CDKAL1: variants seen among roughly 807,000 people sequenced by gnomAD.
CDKAL1 encodes CDKAL1 threonylcarbamoyladenosine tRNA methylthiotransferase.
CDKAL1 carries 32 observed loss-of-function variants against 68.2 expected under a neutral mutation model. The observed-to-expected ratio is 0.47, with a 90% CI of 0.35 to 0.63. The LOEUF is 0.63. CDKAL1 is among the 30% of genes least tolerant of loss of function. CDKAL1 has a pLI of 0.00. For missense variants in CDKAL1, 606 were observed against 696.7 expected, an observed-to-expected ratio of 0.87 and a Z score of 1.47; for synonymous variants, 234 against 244.3, an observed-to-expected ratio of 0.96 and a Z score of 0.39.
chr6:20,756,631 T>C (rs1774183943), intron 6 of CDKAL1: 1 of 152,170 alleles, frequency 6.6e-6, no homozygotes, highest in Non-Finnish European at 1.5e-5. Flanking sequence ...GAAAACCTAA[T>C]GTTGTCTGAG....
intron 9 of CDKAL1, among the ~76,000 whole-genome samples, chr6:20,930,515 C>T (rs953158645): frequency 1.3e-5 from 2 of 152,154 alleles, no homozygotes; most frequent in African/African-American, 4.8e-5. Flanking sequence ...CCTTAGTAAA[C>T]ATAATGTCAT....
chr6:21,024,795 G>A lies in CDKAL1; in HGVS notation c.1055+24423G>A, dbSNP rs79724460. On this transcript the variant is annotated intron_variant, in intron 11 of 15. Transcript: ENST00000274695. ...TGATACTTCATGTCCTCATCTCTGGGCACATGGGAACTGCTTTCCTTTCTT... is the reference window on the plus strand; with the variant it reads ...TGATACTTCATGTCCTCATCTCTGGACACATGGGAACTGCTTTCCTTTCTT... 6.1e-3 allele frequency among the ~76,000 whole-genome samples: 923 copies of A among 152,260 alleles called. 11 individuals carry two copies. Among genetic ancestry groups the A allele is most frequent in the African/African-American group, 0.021 (856 of 41,542 alleles).
rs1480534376 is a variant in CDKAL1, at chr6:20,949,470, G to A, written c.743-5949G>A. Among the ~76,000 whole-genome samples the A allele has an allele frequency of 6.6e-5, 10 of 152,270 alleles. No homozygotes were observed. In the East Asian group the frequency reaches 1.9e-3, roughly 29 times the overall value. ...TATATGTATGTGTGTATATTTATGT[G>A]TCTGTGTAGGAGGTGCTTTTCAAAT... On this transcript the variant is annotated intron_variant, in intron 9 of 15. Transcript: ENST00000274695.
At chr6:21,146,598 C>T (rs1776177994) in intron 13 of CDKAL1, among the ~76,000 whole-genome samples, 1 of 152,110 alleles carries the variant, frequency 6.6e-6, no homozygotes, top group Non-Finnish European at 1.5e-5. Context: ...CGCCTGTAAT[C>T]CCAGCACTTT....
At chr6:20,966,089 T>A (rs1330836008) in intron 10 of CDKAL1, among the ~76,000 whole-genome samples, 1 of 149,700 alleles carries the variant, frequency 6.7e-6, no homozygotes, top group African/African-American at 2.5e-5. Context: ...TGATTCATGA[T>A]CTAGAACAGA....
intron 8 of CDKAL1, among the ~76,000 whole-genome samples, chr6:20,795,067 T>C (rs1776053212): frequency 6.6e-6 from 1 of 152,072 alleles, no homozygotes; most frequent in Admixed American, 6.6e-5. Context: ...TTTGGAAAAA[T>C]TCTGGACTTC....
chr6:20,546,263 A>G (rs1763598465), intron 2 of CDKAL1, 83 bp from the exon 3 acceptor site: 2 of 1,081,250 alleles, frequency 1.8e-6, no homozygotes, highest in East Asian at 2.4e-5. Context: ...ATTAGATTCA[A>G]ATTTGGTGAG....
intron 9 of CDKAL1, among the ~76,000 whole-genome samples, chr6:20,944,482 G>A (rs1468935315): frequency 6.6e-6 from 1 of 152,190 alleles, no homozygotes; most frequent in Non-Finnish European, 1.5e-5. Flanking sequence ...AAGTAGCTGG[G>A]ATTACAGGGG....
At chr6:21,200,177 CA>C (rs1489758121) in intron 14 of CDKAL1, among the ~76,000 whole-genome samples, 1 of 152,202 alleles carries the variant, frequency 6.6e-6, no homozygotes. Flanking sequence ...AGACATCACA[CA>C]CACAAGCTAC....
chr6:21,192,772 T>G (rs1778308149), intron 13 of CDKAL1, among the ~76,000 whole-genome samples: 1 of 152,030 alleles, frequency 6.6e-6, no homozygotes. Flanking sequence ...AAAGGACATC[T>G]TTCTTAGGAT....
In CDKAL1 at chr6:20,674,431, T is replaced by TA. The variant is rs1296245969; in HGVS notation, c.371+25055dup. Among the ~76,000 whole-genome samples, 23 of 152,334 alleles carry TA rather than the reference T, an allele frequency of 1.5e-4. No individual in the cohort carries two copies. In the East Asian group the frequency reaches 4.4e-3, roughly 29 times the overall value. ...AACTATCCATACATTTCTATTTTTT[T>TA]AGAGTTTTTTCTTTTTAAAAAATGG... On this transcript the variant is annotated intron_variant, in intron 5 of 15. Coordinates refer to ENST00000274695, the MANE Select transcript of CDKAL1 (RefSeq NM_017774.3).
At chr6:20,962,871 A>G (rs1765119369) in intron 10 of CDKAL1, among the ~76,000 whole-genome samples, 1 of 152,180 alleles carries the variant, frequency 6.6e-6, no homozygotes, top group African/African-American at 2.4e-5. Context: ...ATGTGGTTTG[A>G]TCTAACTGTT....
intron 5 of CDKAL1, among the ~76,000 whole-genome samples, chr6:20,725,426 C>T (rs1772597867): frequency 6.6e-6 from 1 of 152,160 alleles, no homozygotes; most frequent in Non-Finnish European, 1.5e-5. Flanking sequence ...TGCAGTGAGG[C>T]GTATATGCAG....
At chr6:21,217,441 T>C (rs1332108085) in intron 15 of CDKAL1, among the ~76,000 whole-genome samples, 2 of 151,418 alleles carry the variant, frequency 1.3e-5, no homozygotes, top group African/African-American at 4.8e-5. Context: ...ACTATAGGCA[T>C]GCACCACCAT....
At chr6:20,729,285 A>T (rs941162438) in intron 5 of CDKAL1, among the ~76,000 whole-genome samples, 5 of 152,194 alleles carry the variant, frequency 3.3e-5, no homozygotes, top group Admixed American at 3.3e-4. Flanking sequence ...GCTTGTCAGG[A>T]TGCAGCCTTC....
intron 13 of CDKAL1, among the ~76,000 whole-genome samples, chr6:21,178,565 G>C (rs769947868): frequency 6.6e-6 from 1 of 152,082 alleles, no homozygotes; most frequent in South Asian, 2.1e-4. Context: ...AAAAAAGAGA[G>C]GATCACATGG....
chr6:20,676,698 T>TAAATAAATAATA (rs1554175381), intron 5 of CDKAL1, among the ~76,000 whole-genome samples: 2 of 80,752 alleles, frequency 2.5e-5, no homozygotes, highest in African/African-American at 1.4e-4. Context: ...AATAAATAAA[T>TAAATAAATAATA]AAATAAAATA....
At chr6:20,759,855 C>A (rs555945775) in intron 7 of CDKAL1, among the ~76,000 whole-genome samples, 33 of 152,146 alleles carry the variant, frequency 2.2e-4, no homozygotes, top group African/African-American at 7.7e-4. Context: ...TAATATGATA[C>A]TGAAATATTA....
intron 13 of CDKAL1, among the ~76,000 whole-genome samples, chr6:21,151,178 C>G (rs1271089470): frequency 6.6e-6 from 1 of 152,148 alleles, no homozygotes; most frequent in Non-Finnish European, 1.5e-5. Context: ...AGAAATGTGA[C>G]ATTTAGAACA....
Sources: gnomAD v4.1 joint callset for allele counts (sites outside exome capture counted in the v4.1 genomes callset) on GRCh38, gnomAD v4.1.1 for gene constraint, MANE v1.5 for transcripts, NCBI Gene and HGNC (gene_info 2026-07-23, HGNC 2026-07-21) for gene names.